Variants in FRMD4B observed in about 807,000 individuals in gnomAD.
The protein encoded by FRMD4B is FERM domain containing 4B, also known as FERM domain-containing protein 4B.
FRMD4B carries 74 observed loss-of-function variants against 141.5 expected under a neutral mutation model. The ratio of observed to expected loss-of-function variants is 0.52; its 90% confidence interval spans 0.43 to 0.63. The LOEUF is 0.63. FRMD4B is among the 30% of genes least tolerant of loss of function. The pLI, the probability that FRMD4B is intolerant of heterozygous loss-of-function variation, is 0.00. For synonymous variants in FRMD4B, 506 were observed against 467.9 expected, an observed-to-expected ratio of 1.08 and a Z score of -1.05; for missense variants, 1,366 against 1,253.4, an observed-to-expected ratio of 1.09 and a Z score of -1.36.
At chr3:69,402,320 G>A (rs1317233938) in intron 2 of FRMD4B, among the ~76,000 whole-genome samples, 2 of 152,240 alleles carry the variant, frequency 1.3e-5, no homozygotes, top group Admixed American at 1.3e-4. Context: ...AGCCAATACA[G>A]AGAGCTGATT....
chr3:69,228,301 CTCT>C (rs1376104162), intron 7 of FRMD4B: 4 of 456,366 alleles, frequency 8.8e-6, no homozygotes, highest in Admixed American at 7.1e-5. Context: ...CAGAATTTTT[CTCT>C]TATGTCACTC....
chr3:69,520,570 C>CT (rs990620970), intron 1 of FRMD4B, among the ~76,000 whole-genome samples: 1 of 151,812 alleles, frequency 6.6e-6, no homozygotes, highest in African/African-American at 2.4e-5. Context: ...CATGGGATGG[C>CT]TGCTGGAAGC....
intron 1 of FRMD4B, among the ~76,000 whole-genome samples, chr3:69,472,947 TTTTTTTGGCTTAGGGGGTGGAATCTTA>T (rs1705921492): frequency 6.7e-6 from 1 of 149,314 alleles, no homozygotes; most frequent in African/African-American, 2.5e-5. Flanking sequence ...TCTTTTTTTT[TTTTTTTGGCTTAGGGGGTGGAATCTTA>T]TTTTTGACTA....
intron 1 of FRMD4B, among the ~76,000 whole-genome samples, chr3:69,368,064 T>G (rs1703717374): frequency 6.6e-6 from 1 of 152,230 alleles, no homozygotes; most frequent in Non-Finnish European, 1.5e-5. Flanking sequence ...TTATTTTACC[T>G]CTTTTCGTGG....
intron 5 of FRMD4B, among the ~76,000 whole-genome samples, chr3:69,280,485 C>T (rs970068709): frequency 6.6e-6 from 1 of 152,182 alleles, no homozygotes; most frequent in Non-Finnish European, 1.5e-5. Flanking sequence ...TAAAAGTCAT[C>T]TGGCCCCTAA....
intron 3 of FRMD4B, among the ~76,000 whole-genome samples, chr3:69,308,790 C>T (rs1701477825): frequency 6.6e-6 from 1 of 152,024 alleles, no homozygotes; most frequent in African/African-American, 2.4e-5. Context: ...CTTAGCCCCA[C>T]CTCAGGACTT....
chr3:69,488,078 A>G (rs1706246421), intron 1 of FRMD4B, among the ~76,000 whole-genome samples: 1 of 152,038 alleles, frequency 6.6e-6, no homozygotes, highest in Admixed American at 6.6e-5. Context: ...GAAAGAAAAG[A>G]AAGAAAGAGA....
chr3:69,470,081 G>T (rs1705862406), intron 1 of FRMD4B, among the ~76,000 whole-genome samples: 1 of 152,120 alleles, frequency 6.6e-6, no homozygotes, highest in South Asian at 2.1e-4. Context: ...GAATATTTTG[G>T]ATCGGTATTC....
At chr3:69,360,576 CTCTT>C (rs1703444476) in intron 1 of FRMD4B, among the ~76,000 whole-genome samples, 3 of 152,172 alleles carry the variant, frequency 2.0e-5, no homozygotes, top group Admixed American at 2.0e-4. Flanking sequence ...ATCCATCTCT[CTCTT>C]TTTCTCTCCT....
rs550559955 is a variant in FRMD4B at position 69,482,555 on chromosome 3, G to A, written c.-128-49794C>T. Among the ~76,000 whole-genome samples the A allele has an allele frequency of 3.4e-3, 520 of 152,320 alleles. 3 individuals are homozygous for A. Among genetic ancestry groups the A allele is most frequent in the Non-Finnish European group, 6.2e-3 (419 of 68,032 alleles). On this transcript the variant is annotated intron_variant, in intron 1 of 5. Transcript: ENST00000459638. Reference sequence around the variant, plus strand: ...GGAAAATGACAGCAGTCTGACCTGCGCAATGCTCTAACATCTTCCTTAAAA... The same window carrying A: ...GGAAAATGACAGCAGTCTGACCTGCACAATGCTCTAACATCTTCCTTAAAA...
chr3:69,352,638 CACATT>C (rs1376744045), intron 1 of FRMD4B, among the ~76,000 whole-genome samples: 3 of 152,074 alleles, frequency 2.0e-5, no homozygotes, highest in East Asian at 3.9e-4. Flanking sequence ...TTGCCATAAC[CACATT>C]ACAAGGCAGC....
In FRMD4B at chr3:69,195,071, C is replaced by A. The variant is rs199934222; in HGVS notation, c.1439G>T (p.Arg480Leu). 4 of 1,613,766 alleles carry A rather than the reference C, an allele frequency of 2.5e-6. No individual in the cohort carries two copies. Among genetic ancestry groups the A allele is most frequent in the Admixed American group, 3.3e-5 (2 of 60,024 alleles). The change falls in exon 16 of 23, where the codon CGT becomes CTT. Residue 480 changes from arginine to leucine, a missense_variant. Physicochemically the swap from Arg to Leu is moderately radical, Grantham distance 102. Coordinates refer to ENST00000398540, the MANE Select transcript of FRMD4B (RefSeq NM_015123.3). ...IGEKPPQVRRRVGTAFKLDDN... is the reference protein window; with the variant it reads ...IGEKPPQVRRLVGTAFKLDDN... ...ATCTAATTTGAACGCAGTACCCACA[C>A]GTCTTCTGACCTGAGGAGGCTTCTC...
intron 7 of FRMD4B, among the ~76,000 whole-genome samples, chr3:69,238,938 T>A (rs541101128): frequency 6.6e-6 from 1 of 152,266 alleles, no homozygotes; most frequent in Admixed American, 6.5e-5. Context: ...TGGGTTAGAG[T>A]TGGCAGATTT....
rs578175593 is a variant in FRMD4B, at chr3:69,444,053, C to T, written c.-128-11292G>A. ...ACTCAGCTGGACCTGTGGCCCCCAC[C>T]CAGAGGCTGACAGCACACGAGGACC... On this transcript the variant is annotated intron_variant, in intron 1 of 5. Transcript: ENST00000459638. Among the ~76,000 whole-genome samples the T allele has an allele frequency of 2.6e-5, 4 of 152,294 alleles. No homozygotes were observed. In the East Asian group the frequency reaches 5.8e-4, roughly 22 times the overall value.
intron 1 of FRMD4B, chr3:69,536,667 T>A: frequency 1.1e-6 from 1 of 883,168 alleles, no homozygotes; most frequent in Non-Finnish European, 1.9e-6. Flanking sequence ...GAGTGAGATG[T>A]CACTGGTGAC....
intron 1 of FRMD4B, among the ~76,000 whole-genome samples, chr3:69,379,934 C>T (rs1163171231): frequency 6.6e-6 from 1 of 152,234 alleles, no homozygotes; most frequent in Non-Finnish European, 1.5e-5. Flanking sequence ...AGTTTGCTGA[C>T]TCCCTTTCTA....
chr3:69,525,675 C>T lies in FRMD4B; in HGVS notation c.-129+16531G>A, dbSNP rs557404738. The stretch of plus-strand genomic sequence containing the variant: ...TTTTTTTTTCTTTTCCTTTTGAGAC[C>T]GAGCCTCATTCTTTCACCCAGTCTG... On this transcript the variant is annotated intron_variant, in intron 1 of 5. Transcript: ENST00000459638. Among the ~76,000 whole-genome samples the T allele has an allele frequency of 3.8e-4, 58 of 152,076 alleles. 1 individual carries two copies. The highest frequency in any genetic ancestry group is 3.4e-3 in the Middle Eastern group (1 of 294).
At chr3:69,413,632 T>C (rs1026319920) in intron 2 of FRMD4B, among the ~76,000 whole-genome samples, 7 of 152,160 alleles carry the variant, frequency 4.6e-5, no homozygotes, top group African/African-American at 7.2e-5. Flanking sequence ...GAAATAAATA[T>C]GCAAGATGCT....
intron 1 of FRMD4B, among the ~76,000 whole-genome samples, chr3:69,507,395 G>T (rs1204229587): frequency 6.6e-6 from 1 of 152,116 alleles, no homozygotes. Context: ...GTTTGTGTGT[G>T]TGTGTGTGTT....
Sources: allele counts gnomAD v4.1 joint callset (sites outside exome capture counted in the v4.1 genomes callset), GRCh38; gene constraint gnomAD v4.1.1; transcripts MANE v1.5; gene names NCBI Gene and HGNC (gene_info 2026-07-23, HGNC 2026-07-21).